The following VGLL3 variants were observed in gnomAD, a reference collection of about 807,000 sequenced individuals.
VGLL3 encodes transcription cofactor vestigial-like protein 3.
Under a neutral mutation model 29.2 loss-of-function variants are expected in VGLL3, and 18 were observed. That is an observed-to-expected ratio of 0.62 (90% CI 0.43 to 0.91). The LOEUF is 0.91. VGLL3 is among the 40% of genes least tolerant of loss of function. The pLI is 0.00. For synonymous variants in VGLL3, 180 were observed against 151.8 expected, an observed-to-expected ratio of 1.19 and a Z score of -1.36; for missense variants, 440 against 413.2, an observed-to-expected ratio of 1.06 and a Z score of -0.56.
chr3:86,990,306 C>G (rs1705551970), intron 1 of VGLL3: 3 of 985,356 alleles, frequency 3.0e-6, no homozygotes, highest in Non-Finnish European at 3.6e-6. Flanking sequence ...TCACATGGTC[C>G]TAAGATAGAT....
Position 86,976,546 on chromosome 3 carries a change from G to A in VGLL3, c.403+1980C>T, listed in dbSNP as rs7635977. Among the ~76,000 whole-genome samples, 370 of 152,274 alleles carry A rather than the reference G, an allele frequency of 2.4e-3. 1 individual carries two copies. The highest frequency in any genetic ancestry group is 8.6e-3 in the African/African-American group (356 of 41,556). On this transcript the variant is annotated intron_variant, in intron 2 of 3. Transcript: ENST00000398399. ...ATATTTGAAGATCAAATTTAAGATA[G>A]TTCCAAGAAAACTTTAGTAGTAGTT...
chr3:86,986,182 T>A (rs1705437734), intron 1 of VGLL3, among the ~76,000 whole-genome samples: 2 of 152,136 alleles, frequency 1.3e-5, no homozygotes. Context: ...CTCCTTGCCA[T>A]CTCCGGCTTT....
In VGLL3 at chr3:86,943,088, G is replaced by A. The variant is rs1024254491; in HGVS notation, c.*3936C>T. 1 of 151,968 alleles carries A rather than the reference G, an allele frequency of 6.6e-6. No homozygotes were observed. Among genetic ancestry groups the A allele is most frequent in the Non-Finnish European group, 1.5e-5 (1 of 67,990 alleles). The allele number at this position is 151,968 out of a possible 1,614,324, so 9.4% of individuals were successfully genotyped here. Reference sequence around the variant, plus strand: ...AGGTATTATTCCATTTTACTCATGAGATAAATAAATGAAGCCCCAAACCAC... The same window carrying A: ...AGGTATTATTCCATTTTACTCATGAAATAAATAAATGAAGCCCCAAACCAC... On this transcript the variant is annotated 3_prime_UTR_variant, in exon 4 of 4. Coordinates refer to ENST00000398399, the MANE Select transcript of VGLL3 (RefSeq NM_016206.4).
chr3:86,974,460 C>A (rs1314179269), intron 2 of VGLL3, among the ~76,000 whole-genome samples: 1 of 152,072 alleles, frequency 6.6e-6, no homozygotes, highest in Non-Finnish European at 1.5e-5. Context: ...ATTCTTTCAA[C>A]CCTGTTAGAA....
chr3:86,981,165 G>C (rs146019762), intron 1 of VGLL3, among the ~76,000 whole-genome samples: 1 of 151,906 alleles, frequency 6.6e-6, no homozygotes, highest in Admixed American at 6.6e-5. Flanking sequence ...TGATACAAAC[G>C]TCAAATAGTA....
At chr3:86,971,327 C>T (rs540505944) in intron 2 of VGLL3, among the ~76,000 whole-genome samples, 1 of 152,130 alleles carries the variant, frequency 6.6e-6, no homozygotes, top group Non-Finnish European at 1.5e-5. Context: ...ACTGCAAGCT[C>T]TTCTATTCTC....
At position 86,990,899 on chromosome 3, in the gene VGLL3, C is replaced by T. The variant is rs1575885753; in HGVS notation, c.-156G>A. On this transcript the variant is annotated 5_prime_UTR_variant, in exon 1 of 4. Coordinates refer to ENST00000398399, the MANE Select transcript of VGLL3 (RefSeq NM_016206.4). ...GTCCTCGGCGGCCTCGGGCTCCGCGCGGGGCGCGGGGTCGGGAGGGACTGG... is the reference window on the plus strand; with the variant it reads ...GTCCTCGGCGGCCTCGGGCTCCGCGTGGGGCGCGGGGTCGGGAGGGACTGG... 8.9e-7 allele frequency: 1 copy of T among 1,122,174 alleles called. No homozygotes were observed. The highest frequency in any genetic ancestry group is 5.4e-5 in the East Asian group (1 of 18,402). The allele number at this position is 1,122,174 out of a possible 1,614,324, so 69.5% of individuals were successfully genotyped here. A position where few individuals can be genotyped will look rare whatever the true frequency, so the allele number is the denominator to read the frequency against.
intron 2 of VGLL3, among the ~76,000 whole-genome samples, chr3:86,969,665 T>C (rs1705048904): frequency 1.3e-5 from 2 of 150,884 alleles, no homozygotes; most frequent in African/African-American, 4.9e-5. Context: ...AAGAGTGTAT[T>C]CCAACCTCAT....
chr3:86,987,224 T>C (rs933521018), intron 1 of VGLL3, among the ~76,000 whole-genome samples: 1 of 152,204 alleles, frequency 6.6e-6, no homozygotes, highest in Non-Finnish European at 1.5e-5. Flanking sequence ...CCAGGGCTTT[T>C]TTCTCTGACA....
rs1200198879 is a variant in VGLL3, at chr3:86,943,171, C to A, written c.*3853G>T. 6.6e-6 allele frequency: 1 copy of A among 152,164 alleles called. No homozygotes were observed. The highest frequency in any genetic ancestry group is 1.5e-5 in the Non-Finnish European group (1 of 68,032). The allele number at this position is 152,164 out of a possible 1,614,324, so 9.4% of individuals were successfully genotyped here. A position where few individuals can be genotyped will look rare whatever the true frequency, so the allele number is the denominator to read the frequency against. The stretch of plus-strand genomic sequence containing the variant: ...AATGGCCTAACAGCCGAGTTCTTTT[C>A]CATTAATTCATTCTGCTTTCTATTT... On this transcript the variant is annotated 3_prime_UTR_variant, in exon 4 of 4. Transcript: ENST00000398399.
intron 1 of VGLL3, among the ~76,000 whole-genome samples, chr3:86,986,876 C>T (rs1343276393): frequency 1.3e-5 from 2 of 152,060 alleles, no homozygotes; most frequent in Admixed American, 6.6e-5. Context: ...TGCTAACGGC[C>T]TTTGGAATGC....
intron 3 of VGLL3, among the ~76,000 whole-genome samples, chr3:86,961,668 C>A (rs1291358198): frequency 2.6e-5 from 4 of 152,124 alleles, no homozygotes; most frequent in Non-Finnish European, 4.4e-5. Flanking sequence ...GAAATCAGTC[C>A]TCCACATCCT....
chr3:86,976,809 G>T (rs1239336536), intron 2 of VGLL3, among the ~76,000 whole-genome samples: 1 of 152,156 alleles, frequency 6.6e-6, no homozygotes, highest in Non-Finnish European at 1.5e-5. Context: ...TAGCAAGGTT[G>T]CATATGCCCA....
At chr3:86,968,540 C>G in intron 3 of VGLL3, 50 bp downstream of exon 3, 3 of 1,532,928 alleles carry the variant, frequency 2.0e-6, no homozygotes, top group South Asian at 2.5e-5. Flanking sequence ...TCCACCCTTT[C>G]TTAAATTAAC....
In VGLL3 at chr3:86,945,125, T is replaced by A. The variant is rs1704479223; in HGVS notation, c.*1899A>T. Reference sequence around the variant, plus strand: ...ATTAGTGAGTGGAAGGTATCTTAAATTTGGACCCCACAATGGTAAAAATGT... The same window carrying A: ...ATTAGTGAGTGGAAGGTATCTTAAAATTGGACCCCACAATGGTAAAAATGT... On this transcript the variant is annotated 3_prime_UTR_variant, in exon 4 of 4. Coordinates refer to ENST00000398399, the MANE Select transcript of VGLL3 (RefSeq NM_016206.4). The A allele has an allele frequency of 6.6e-6, 1 of 152,166 alleles. No individual in the cohort carries two copies. Among genetic ancestry groups the A allele is most frequent in the African/African-American group, 2.4e-5 (1 of 41,422 alleles). 9.4% of individuals were successfully genotyped at this position (152,166 alleles called of 1,614,324 possible).
Position 86,990,942 on chromosome 3 carries a change from T to G in VGLL3, c.-199A>C, listed in dbSNP as rs1285333889. On this transcript the variant is annotated 5_prime_UTR_variant, in exon 1 of 4. The change abolishes an upstream ATG in the 5' untranslated region. Coordinates refer to ENST00000398399, the MANE Select transcript of VGLL3 (RefSeq NM_016206.4). ...GGGACTGGCAATCAGCGGGGGCCCA[T>G]GCGCGGGCACCTTCATCTTCAGCCC... The G allele has an allele frequency of 2.8e-6, 3 of 1,080,354 alleles. No homozygotes were observed. The highest frequency in any genetic ancestry group is 3.4e-6 in the Non-Finnish European group (3 of 890,720). 66.9% of individuals were successfully genotyped at this position (1,080,354 alleles called of 1,614,324 possible).
intron 3 of VGLL3, among the ~76,000 whole-genome samples, chr3:86,958,052 CA>C (rs1286717463): frequency 1.3e-5 from 2 of 151,950 alleles, no homozygotes; most frequent in African/African-American, 4.8e-5. Context: ...TATTATTTTC[CA>C]AAAAAGACAT....
chr3:86,960,739 T>G (rs531073539), intron 3 of VGLL3, among the ~76,000 whole-genome samples: 1 of 152,146 alleles, frequency 6.6e-6, no homozygotes, highest in East Asian at 1.9e-4. Context: ...TAGTGTTTAA[T>G]ATCTGGATAT....
intron 3 of VGLL3, among the ~76,000 whole-genome samples, chr3:86,966,773 GTATATATATATATATATATATATATATA>G (rs55986686): frequency 0.013 from 494 of 38,016 alleles, 24 homozygotes; most frequent in African/African-American, 0.041. Context: ...GTGTGTGTGT[GTATATATATATATATATATATATATATA>G]TATATATATA....
Sources: allele counts gnomAD v4.1 joint callset (sites outside exome capture counted in the v4.1 genomes callset), GRCh38; gene constraint gnomAD v4.1.1; transcripts MANE v1.5; gene names NCBI Gene and HGNC (gene_info 2026-07-23, HGNC 2026-07-21).